ITPR1: variants seen among roughly 807,000 people sequenced by gnomAD.
ITPR1 encodes inositol 1,4,5-trisphosphate receptor type 1.
In ITPR1, 96 loss-of-function variants were observed where a neutral mutation model predicts 318.4. That is an observed-to-expected ratio of 0.30 (90% confidence interval 0.26 to 0.36). The LOEUF is 0.36. ITPR1 is among the 10% of genes least tolerant of loss of function. The pLI, the probability that ITPR1 is intolerant of heterozygous loss-of-function variation, is 1.00. For synonymous variants in ITPR1, 1,312 were observed against 1,289.9 expected (o/e 1.02, Z -0.37); for missense variants, 2,440 against 3,460.2 (o/e 0.71, Z 7.40).
intron 44 of ITPR1, among the ~76,000 whole-genome samples, chr3:4,761,631 G>C (rs2045458215): frequency 6.6e-6 from 1 of 152,234 alleles, no homozygotes; most frequent in African/African-American, 2.4e-5. Flanking sequence ...GGAGTGAAAA[G>C]TTTGGAAAAG....
intron 4 of ITPR1, among the ~76,000 whole-genome samples, chr3:4,523,397 T>C (rs759179350): frequency 3.3e-5 from 5 of 151,378 alleles, no homozygotes; most frequent in Non-Finnish European, 7.4e-5. Flanking sequence ...TAAATTGAGT[T>C]AATTCATATA....
At chr3:4,668,257 C>T (rs1343357275) in intron 18 of ITPR1, among the ~76,000 whole-genome samples, 1 of 150,910 alleles carries the variant, frequency 6.6e-6, no homozygotes, top group African/African-American at 2.4e-5. Context: ...CCCCACCTCC[C>T]CCCTGCCCTC....
intron 26 of ITPR1, 36 bp downstream of exon 26, chr3:4,681,454 G>C: frequency 6.9e-7 from 1 of 1,450,812 alleles, no homozygotes; most frequent in South Asian, 1.1e-5. Context: ...TGTAGGGAAG[G>C]CTGCTCTTCC....
chr3:4,630,532 G>GTTT (rs11370167), intron 5 of ITPR1, among the ~76,000 whole-genome samples: 1 of 145,432 alleles, frequency 6.9e-6, no homozygotes, highest in Non-Finnish European at 1.5e-5. Context: ...GATTTTTAAA[G>GTTT]TTTTTTTTTT....
At chr3:4,598,675 A>G (rs1399434399) in intron 4 of ITPR1, among the ~76,000 whole-genome samples, 2 of 152,184 alleles carry the variant, frequency 1.3e-5, no homozygotes, top group Non-Finnish European at 2.9e-5. Context: ...TGCCTTTAAG[A>G]TGTTCATAAG....
Position 4,782,655 on chromosome 3 carries a change from G to T in ITPR1, c.6424G>T (p.Val2142Leu). ...VIKKAYMQGE[V>L]EFEDGENGED... ...CAAGAAAGCCTACATGCAAGGTGAA[G>T]TGGAATTTGAGGATGGAGAAAACGG... Residue 2142 changes from valine (V) to leucine (L), a missense_variant, in exon 50 of 62, where the codon GTG becomes TTG. Around this residue, in one of 23 missense-constraint regions of ITPR1, gnomAD observed 49 missense variants for 47.2 expected, o/e 1.04. Transcript: ENST00000649015. The T allele has an allele frequency of 6.2e-7, 1 of 1,605,862 alleles. No homozygotes were observed. The highest frequency in any genetic ancestry group is 8.5e-7 in the Non-Finnish European group (1 of 1,175,666).
chr3:4,710,271 T>A lies in ITPR1; in HGVS notation c.4843-54T>A. ...AGGGCAGAAATCAATGTCCTCACCC[T>A]CCTGTGGTCAGCGTCTGCCTGAGCC... On this transcript the variant is annotated intron_variant, in intron 37 of 61. Transcript: ENST00000649015. The surrounding 1 kb of genome is among the most constrained non-coding windows in gnomAD (Gnocchi z 4.2). The A allele has an allele frequency of 6.8e-7, 1 of 1,461,308 alleles. No individual in the cohort carries two copies. The highest frequency in any genetic ancestry group is 2.5e-5 in the East Asian group (1 of 39,876). The allele number at this position is 1,461,308 out of a possible 1,614,324, so 90.5% of individuals were successfully genotyped here.
intron 5 of ITPR1, among the ~76,000 whole-genome samples, chr3:4,633,127 G>A (rs529649231): frequency 1.3e-4 from 19 of 151,970 alleles, no homozygotes; most frequent in African/African-American, 2.2e-4. Context: ...TAGTAGAGAC[G>A]AGGTTTCACC....
At position 4,783,868 on chromosome 3, in the gene ITPR1, T is replaced by G; in HGVS notation, c.6563T>G (p.Val2188Gly). 3 of 1,610,622 alleles carry G rather than the reference T, an allele frequency of 1.9e-6. No homozygotes were observed. Among genetic ancestry groups the G allele is most frequent in the Non-Finnish European group, 1.7e-6 (2 of 1,178,500 alleles). The change falls in exon 51 of 62, where the codon GTG (valine) becomes GGG (glycine). Residue 2188 changes from valine (V) to glycine (G), a missense_variant. Val to Gly is a moderately radical substitution (Grantham distance 109, BLOSUM62 -3). Coordinates refer to ENST00000649015, the MANE Select transcript of ITPR1 (RefSeq NM_001378452.1). ...AGCATGCTGAAACCTGGTGGCCAAG[T>G]GGACGGAGATGAAGCCCTGGAGTTT... ...LQSMLKPGGQ[V>G]DGDEALEFYA...
chr3:4,706,783 T>C (rs1451913964), intron 37 of ITPR1, among the ~76,000 whole-genome samples: 1 of 152,192 alleles, frequency 6.6e-6, no homozygotes. Context: ...GAAACAAAAG[T>C]ATTCCTTCCA....
chr3:4,666,966 A>T (rs1381825352), intron 17 of ITPR1, among the ~76,000 whole-genome samples: 3 of 152,218 alleles, frequency 2.0e-5, no homozygotes, highest in Non-Finnish European at 4.4e-5. Flanking sequence ...ATTGTTCCAG[A>T]TCTCCAGGTA....
intron 4 of ITPR1, among the ~76,000 whole-genome samples, chr3:4,524,228 C>T (rs969221504): frequency 1.3e-5 from 2 of 150,642 alleles, no homozygotes; most frequent in Non-Finnish European, 2.9e-5. Context: ...GCTTCTCCAC[C>T]GTGGAACTTG....
chr3:4,782,099 A>G (rs2046874466), intron 49 of ITPR1, among the ~76,000 whole-genome samples: 1 of 152,246 alleles, frequency 6.6e-6, no homozygotes, highest in South Asian at 2.1e-4. Flanking sequence ...TCAGTAGGTA[A>G]TACTAGTTCG....
At position 4,618,255 on chromosome 3, in the gene ITPR1, GT is replaced by G. The variant is rs938561928; in HGVS notation, c.164-9507del. On this transcript the variant is annotated intron_variant, in intron 4 of 61. Transcript: ENST00000649015. Reference sequence around the variant, plus strand: ...AAGTCAAATACTGATAAACATAACAGTATGACACCTCACGCCTTCTCACTTT... The same window carrying G: ...AAGTCAAATACTGATAAACATAACAGATGACACCTCACGCCTTCTCACTTT... Among the ~76,000 whole-genome samples the G allele has an allele frequency of 3.9e-5, 6 of 152,264 alleles. No individual in the cohort carries two copies. The South Asian group carries it at 8.3e-4, about 21-fold the overall frequency.
chr3:4,617,084 A>G (rs1210247918), intron 4 of ITPR1, among the ~76,000 whole-genome samples: 1 of 152,050 alleles, frequency 6.6e-6, no homozygotes, highest in Non-Finnish European at 1.5e-5. Flanking sequence ...ATTACATGTT[A>G]TAGGTTATAC....
chr3:4,746,199 C>G (rs955733889), intron 44 of ITPR1, among the ~76,000 whole-genome samples: 6 of 152,216 alleles, frequency 3.9e-5, no homozygotes, highest in Non-Finnish European at 8.8e-5. Context: ...GGCCTCCTGC[C>G]TCTGGGCATT....
At chr3:4,566,631 C>CACAG (rs2087303505) in intron 4 of ITPR1, among the ~76,000 whole-genome samples, 1 of 151,766 alleles carries the variant, frequency 6.6e-6, no homozygotes, top group African/African-American at 2.4e-5. Flanking sequence ...CACACACACA[C>CACAG]ACACACACAC....
At chr3:4,535,794 T>C (rs919841722) in intron 4 of ITPR1, among the ~76,000 whole-genome samples, 2 of 152,104 alleles carry the variant, frequency 1.3e-5, no homozygotes, top group African/African-American at 4.8e-5. Context: ...GCAACTAATT[T>C]CTAGACTCTT....
At chr3:4,529,580 G>C (rs994654695) in intron 4 of ITPR1, among the ~76,000 whole-genome samples, 1 of 152,164 alleles carries the variant, frequency 6.6e-6, no homozygotes, top group African/African-American at 2.4e-5. Context: ...AAATTAGAGG[G>C]ATTTAGAAAG....
Sources: allele counts gnomAD v4.1 joint callset (sites outside exome capture counted in the v4.1 genomes callset), GRCh38; gene constraint gnomAD v4.1.1; regional missense constraint gnomAD v4.1.1; non-coding constraint Gnocchi (gnomAD v3.1); transcripts MANE v1.5; gene names NCBI Gene and HGNC (gene_info 2026-07-23, HGNC 2026-07-21).